The following PYHIN1 variants were observed in gnomAD, a reference collection of about 807,000 sequenced individuals.
The protein encoded by PYHIN1 is pyrin and HIN domain family member 1, also known as pyrin and HIN domain-containing protein 1.
PYHIN1 carries 32 observed loss-of-function variants against 43.7 expected under a neutral mutation model. The observed-to-expected ratio is 0.73, with a 90% CI of 0.55 to 0.98. The LOEUF is 0.98. Ranked by LOEUF, PYHIN1 falls within the 50% of genes least tolerant of loss-of-function variation. The pLI is 0.00. For synonymous variants in PYHIN1, 205 were observed against 203.1 expected, an observed-to-expected ratio of 1.01 and a Z score of -0.08; for missense variants, 588 against 589.5, an observed-to-expected ratio of 1.00 and a Z score of 0.03.
intron 7 of PYHIN1, among the ~76,000 whole-genome samples, chr1:158,949,475 G>C (rs1649407560): frequency 6.6e-6 from 1 of 151,966 alleles, no homozygotes; most frequent in Non-Finnish European, 1.5e-5. Flanking sequence ...CTGGTGCGCT[G>C]TACCCACTAA....
chr1:158,983,370 A>G, the PYHIN1 span, among the ~76,000 whole-genome samples: 1 of 151,954 alleles, frequency 6.6e-6, no homozygotes, highest in Non-Finnish European at 1.5e-5. Flanking sequence ...AATTTATTGA[A>G]ACCTTTTCTG....
At chr1:158,934,874 C>T (rs1185271001) in intron 1 of PYHIN1, among the ~76,000 whole-genome samples, 2 of 152,120 alleles carry the variant, frequency 1.3e-5, no homozygotes, top group Non-Finnish European at 2.9e-5. Context: ...GGATTACAGG[C>T]ACCCACCACC....
chr1:158,954,611 T>C (rs1279728191), intron 7 of PYHIN1, among the ~76,000 whole-genome samples: 5 of 150,140 alleles, frequency 3.3e-5, no homozygotes, highest in African/African-American at 4.9e-5. Flanking sequence ...GTGCTAAACA[T>C]GGAAAGTAAC....
At chr1:158,973,948 T>A (rs934893631) in intron 8 of PYHIN1, among the ~76,000 whole-genome samples, 177 bp downstream of exon 8, 2 of 152,094 alleles carry the variant, frequency 1.3e-5, no homozygotes, top group Non-Finnish European at 2.9e-5. Context: ...AGTCCTTCAA[T>A]ACTCACAAAA....
chr1:158,979,383 A>G (rs1463880366), downstream of PYHIN1, among the ~76,000 whole-genome samples: 4 of 152,174 alleles, frequency 2.6e-5, no homozygotes, highest in African/African-American at 7.2e-5. Flanking sequence ...ACTCTACATA[A>G]GTGGACTCAT....
At chr1:158,976,574 A>T in intron 8 of PYHIN1, 127 bp from the exon 9 acceptor site, 1 of 632,068 alleles carries the variant, frequency 1.6e-6, no homozygotes, top group East Asian at 2.9e-5. Flanking sequence ...GAATGAGAAA[A>T]GAGTGCTTCA....
intron 4 of PYHIN1, 100 bp from the exon 5 acceptor site, chr1:158,941,877 C>T: frequency 2.6e-6 from 3 of 1,155,744 alleles, no homozygotes; most frequent in Non-Finnish European, 2.4e-6. Flanking sequence ...ACATCTACAA[C>T]TTTTGGGGGC....
At chr1:158,982,214 G>A in the PYHIN1 span, among the ~76,000 whole-genome samples, 1 of 152,066 alleles carries the variant, frequency 6.6e-6, no homozygotes, top group Non-Finnish European at 1.5e-5. Context: ...CTTTGCCAAG[G>A]CTAATGTCCA....
At chr1:158,970,880 T>C (rs968428002) in intron 7 of PYHIN1, among the ~76,000 whole-genome samples, 7 of 152,146 alleles carry the variant, frequency 4.6e-5, no homozygotes, top group Admixed American at 2.0e-4. Flanking sequence ...ATATCTCATT[T>C]CACATATGAG....
intron 7 of PYHIN1, among the ~76,000 whole-genome samples, chr1:158,952,335 C>A (rs947849402): frequency 1.3e-5 from 2 of 151,510 alleles, no homozygotes; most frequent in Non-Finnish European, 2.9e-5. Flanking sequence ...TGCTTGGCCG[C>A]ACAACTCTGG....
downstream of PYHIN1, among the ~76,000 whole-genome samples, chr1:158,979,798 G>T (rs779950702): frequency 1.3e-5 from 2 of 152,048 alleles, no homozygotes; most frequent in Non-Finnish European, 2.9e-5. Flanking sequence ...ATTACATGTT[G>T]CTGGGATTGG....
intron 7 of PYHIN1, 28 bp from the exon 8 acceptor site, chr1:158,973,619 A>G (rs894639702): frequency 1.9e-6 from 3 of 1,611,574 alleles, no homozygotes; most frequent in African/African-American, 1.3e-5. Flanking sequence ...AAAGTGAAAG[A>G]CTAAATTACC....
Position 158,938,767 on chromosome 1 carries a change from T to G in PYHIN1, c.411+225T>G, listed in dbSNP as rs76450859. Among the ~76,000 whole-genome samples the G allele has an allele frequency of 7.3e-3, 1,116 of 152,334 alleles. 8 individuals are homozygous for G. Among genetic ancestry groups the G allele is most frequent in the East Asian group, 0.016 (82 of 5,186 alleles). On this transcript the variant is annotated intron_variant, in intron 3 of 8. Transcript: ENST00000368140. Reference sequence around the variant, plus strand: ...ATAAAATAAATATAATATTTTCATCTCCAATAGAGAAGGATGTTAACTTGA... The same window carrying G: ...ATAAAATAAATATAATATTTTCATCGCCAATAGAGAAGGATGTTAACTTGA...
chr1:158,960,740 A>G (rs1259871070), intron 7 of PYHIN1, among the ~76,000 whole-genome samples: 1 of 152,224 alleles, frequency 6.6e-6, no homozygotes, highest in African/African-American at 2.4e-5. Flanking sequence ...ACTCAAATTG[A>G]CATGAATCAG....
At position 158,976,839 on chromosome 1, in the gene PYHIN1, A is replaced by AATATATTTAT; in HGVS notation, c.*150_*151insTTATATATAT. ...AAGATAAGATCAAAGCACAGAAAAT[A>AATATATTTAT]ATATATGTATATATATCTGGTTGAA... On this transcript the variant is annotated 3_prime_UTR_variant, in exon 9 of 9. Transcript: ENST00000368140. The AATATATTTAT allele has an allele frequency of 3.1e-6, 1 of 321,642 alleles. No homozygotes were observed. The highest frequency in any genetic ancestry group is 5.8e-6 in the Non-Finnish European group (1 of 172,366). 19.9% of individuals were successfully genotyped at this position (321,642 alleles called of 1,614,324 possible).
Position 158,942,230 on chromosome 1 carries a change from A to G in PYHIN1, c.833A>G (p.Asn278Ser). 1 of 1,614,046 alleles carries G rather than the reference A, an allele frequency of 6.2e-7. No individual in the cohort carries two copies. The highest frequency in any genetic ancestry group is 1.3e-5 in the African/African-American group (1 of 75,042). The change falls in exon 5 of 9, where the codon AAT becomes AGT. Residue 278 changes from asparagine (N) to serine (S), a missense_variant. Asn to Ser is a conservative substitution (Grantham distance 46). Coordinates refer to ENST00000368140, the MANE Select transcript of PYHIN1 (RefSeq NM_152501.5). The stretch of plus-strand genomic sequence containing the variant: ...ATTATATCAAATTATTCCAAACGTA[A>G]TAGTCTCCTAGAGGTGAATGAAGCC... Reference protein sequence around the residue: ...IIIISNYSKRNSLLEVNEASS... With the variant: ...IIIISNYSKRSSLLEVNEASS...
the PYHIN1 span, among the ~76,000 whole-genome samples, chr1:158,989,111 C>G: frequency 1.3e-5 from 2 of 152,114 alleles, no homozygotes; most frequent in Non-Finnish European, 2.9e-5. Flanking sequence ...CTATGCTATG[C>G]CTGGCAGATC....
At chr1:158,948,206 A>G (rs778941724) in intron 7 of PYHIN1, among the ~76,000 whole-genome samples, 6 of 152,372 alleles carry the variant, frequency 3.9e-5, no homozygotes, top group Non-Finnish European at 8.8e-5. Flanking sequence ...GAATATAATT[A>G]GCAGCATTCT....
intron 7 of PYHIN1, among the ~76,000 whole-genome samples, chr1:158,969,479 G>A (rs1650817428): frequency 6.6e-6 from 1 of 151,944 alleles, no homozygotes; most frequent in Admixed American, 6.6e-5. Context: ...ATGTGTACCA[G>A]TTGAAGACAG....
Sources: gnomAD v4.1 joint callset for allele counts (sites outside exome capture counted in the v4.1 genomes callset) on GRCh38, gnomAD v4.1.1 for gene constraint, MANE v1.5 for transcripts, NCBI Gene and HGNC (gene_info 2026-07-23, HGNC 2026-07-21) for gene names.